The following GRIA4 variants were observed in gnomAD, a reference collection of about 807,000 sequenced individuals.
The protein encoded by GRIA4 is glutamate receptor 4.
Under a neutral mutation model 104.0 loss-of-function variants are expected in GRIA4, and 34 were observed. The ratio of observed to expected loss-of-function variants is 0.33; its 90% CI spans 0.25 to 0.44. The LOEUF (loss-of-function observed/expected upper bound fraction) is 0.44. GRIA4 is among the 20% of genes least tolerant of loss of function. The pLI, the probability that GRIA4 is intolerant of heterozygous loss-of-function variation, is 1.00. For missense variants in GRIA4, 750 were observed against 1,096.5 expected (o/e 0.68, Z 4.46); for synonymous variants, 386 against 381.9 (o/e 1.01, Z -0.13).
chr11:105,789,451 T>A (rs572222799), intron 4 of GRIA4, among the ~76,000 whole-genome samples: 27 of 152,268 alleles, frequency 1.8e-4, no homozygotes, highest in Non-Finnish European at 3.5e-4. Flanking sequence ...ATTATAACAT[T>A]TATGTATGCC....
chr11:105,779,976 G>T (rs1941652980), intron 4 of GRIA4, among the ~76,000 whole-genome samples: 1 of 152,114 alleles, frequency 6.6e-6, no homozygotes, highest in African/African-American at 2.4e-5. Flanking sequence ...TAGAGGAATT[G>T]CTTTAAAGGG....
At chr11:105,928,182 G>A (rs554600175) in intron 13 of GRIA4, among the ~76,000 whole-genome samples, 6 of 151,832 alleles carry the variant, frequency 4.0e-5, no homozygotes, top group Admixed American at 2.6e-4. Flanking sequence ...ATATACTTTA[G>A]ATGTTTACAT....
intron 4 of GRIA4, 103 bp downstream of exon 4, chr11:105,753,323 A>T: frequency 2.0e-6 from 2 of 1,007,020 alleles, no homozygotes; most frequent in Non-Finnish European, 3.0e-6. Context: ...CTCTAACATC[A>T]CTAAAATCAG....
chr11:105,834,470 G>T (rs1198315194), intron 4 of GRIA4, among the ~76,000 whole-genome samples: 1 of 151,984 alleles, frequency 6.6e-6, no homozygotes, highest in Non-Finnish European at 1.5e-5. Flanking sequence ...TCACTAAACA[G>T]AGTGTCACTT....
At chr11:105,874,288 G>A (rs1197553931) in intron 5 of GRIA4, among the ~76,000 whole-genome samples, 1 of 152,046 alleles carries the variant, frequency 6.6e-6, no homozygotes, top group African/African-American at 2.4e-5. Context: ...ATCTGTTTAG[G>A]TACCAGTACC....
intron 3 of GRIA4, among the ~76,000 whole-genome samples, chr11:105,716,873 T>A (rs927187600): frequency 6.6e-6 from 1 of 152,070 alleles, no homozygotes; most frequent in Non-Finnish European, 1.5e-5. Flanking sequence ...TTAAATTACC[T>A]CGATGCCTTA....
chr11:105,772,113 G>A (rs959440051), intron 4 of GRIA4, among the ~76,000 whole-genome samples: 2 of 152,106 alleles, frequency 1.3e-5, no homozygotes, highest in African/African-American at 4.8e-5. Context: ...GTATTCACTT[G>A]AAGCGACATG....
chr11:105,860,829 C>T (rs914450997), intron 4 of GRIA4, among the ~76,000 whole-genome samples: 1 of 151,618 alleles, frequency 6.6e-6, no homozygotes, highest in African/African-American at 2.4e-5. Flanking sequence ...TATGGTGGCA[C>T]GCACCTGTAG....
At chr11:105,727,810 A>C (rs796678772) in intron 3 of GRIA4, among the ~76,000 whole-genome samples, 3 of 152,208 alleles carry the variant, frequency 2.0e-5, no homozygotes, top group South Asian at 2.1e-4. Context: ...AAAATCCTTT[A>C]CAGACAAGCA....
chr11:105,715,935 C>T (rs888258754), intron 3 of GRIA4, among the ~76,000 whole-genome samples: 15 of 152,128 alleles, frequency 9.9e-5, no homozygotes, highest in African/African-American at 3.4e-4. Flanking sequence ...CAATGCCCAA[C>T]GGGAAAGACT....
intron 3 of GRIA4, among the ~76,000 whole-genome samples, chr11:105,685,706 G>C (rs1952858041): frequency 6.6e-6 from 1 of 152,164 alleles, no homozygotes; most frequent in African/African-American, 2.4e-5. Context: ...TCTATGAGAA[G>C]AGAAAGCACT....
intron 6 of GRIA4, among the ~76,000 whole-genome samples, chr11:105,888,723 G>A (rs1946364705): frequency 6.6e-6 from 1 of 152,070 alleles, no homozygotes; most frequent in African/African-American, 2.4e-5. Context: ...CTTTGAGACA[G>A]GAATTTTCGG....
chr11:105,688,117 T>C (rs1292216175), intron 3 of GRIA4, among the ~76,000 whole-genome samples: 1 of 70,306 alleles, frequency 1.4e-5, no homozygotes, highest in Non-Finnish European at 3.3e-5. Context: ...TCTATATCTA[T>C]ATCTATATCT....
chr11:105,834,230 C>T (rs59127463), intron 4 of GRIA4, among the ~76,000 whole-genome samples: 7,088 of 152,102 alleles, frequency 0.047, 382 homozygotes, highest in African/African-American at 0.13. Context: ...GATATCCCTA[C>T]TCCATATCTC....
At chr11:105,912,647 T>G in intron 10 of GRIA4, 1 of 722,414 alleles carries the variant, frequency 1.4e-6, no homozygotes, top group Non-Finnish European at 1.7e-6. Context: ...AGTATCTTTT[T>G]GTATGAAAAT....
At chr11:105,637,676 GCATGTTT>G (rs1951243501) in intron 3 of GRIA4, among the ~76,000 whole-genome samples, 2 of 152,162 alleles carry the variant, frequency 1.3e-5, no homozygotes, top group African/African-American at 4.8e-5. Flanking sequence ...AGTGTCTCCT[GCATGTTT>G]CAAGGACAGA....
chr11:105,860,698 C>T lies in GRIA4; in HGVS notation c.488-1326C>T, dbSNP rs1361780591. On this transcript the variant is annotated intron_variant, in intron 4 of 16. Transcript: ENST00000282499. Reference sequence around the variant, plus strand: ...AGATGGGGCTGGGTGCTGTGACTCACGCCTATAATCCCAGCACTTTGGGAG... The same window carrying T: ...AGATGGGGCTGGGTGCTGTGACTCATGCCTATAATCCCAGCACTTTGGGAG... Among the ~76,000 whole-genome samples, 11 of 152,176 alleles carry T rather than the reference C, an allele frequency of 7.2e-5. No homozygotes were observed. The East Asian group carries it at 9.7e-4, about 13-fold the overall frequency.
At chr11:105,750,235 A>G (rs2135685384) in intron 3 of GRIA4, among the ~76,000 whole-genome samples, 1 of 152,240 alleles carries the variant, frequency 6.6e-6, no homozygotes, top group South Asian at 2.1e-4. Flanking sequence ...CCAAGGTATC[A>G]TACTAACATA....
At chr11:105,738,642 A>C (rs1939108482) in intron 3 of GRIA4, among the ~76,000 whole-genome samples, 1 of 152,152 alleles carries the variant, frequency 6.6e-6, no homozygotes, top group Non-Finnish European at 1.5e-5. Flanking sequence ...AAATGCATTT[A>C]AATGATTTTC....
Sources: gnomAD v4.1 joint callset for allele counts (sites outside exome capture counted in the v4.1 genomes callset) on GRCh38, gnomAD v4.1.1 for gene constraint, MANE v1.5 for transcripts, NCBI Gene and HGNC (gene_info 2026-07-23, HGNC 2026-07-21) for gene names.